The following CDYL2 variants were observed in gnomAD, a reference collection of about 807,000 sequenced individuals.
CDYL2 encodes chromodomain Y like 2.
In CDYL2, 23 loss-of-function variants were observed where a neutral mutation model predicts 49.4. That is an observed-to-expected ratio of 0.47 (90% CI 0.34 to 0.66). The LOEUF (loss-of-function observed/expected upper bound fraction) is 0.66, where lower values mean the gene tolerates loss of function less well. CDYL2 is among the 30% of genes least tolerant of loss of function. The pLI is 0.01. For missense variants in CDYL2, 678 were observed against 656.4 expected (o/e 1.03, Z -0.36); for synonymous variants, 360 against 268.8 (o/e 1.34, Z -3.32).
chr16:80,645,851 T>G (rs1908316462), intron 2 of CDYL2, among the ~76,000 whole-genome samples: 1 of 151,722 alleles, frequency 6.6e-6, no homozygotes, highest in Non-Finnish European at 1.5e-5. Context: ...TGGATGAAGC[T>G]GGAAACCATC....
chr16:80,694,277 C>T (rs1313608370), intron 1 of CDYL2, among the ~76,000 whole-genome samples: 2 of 152,210 alleles, frequency 1.3e-5, no homozygotes, highest in Admixed American at 1.3e-4. Flanking sequence ...TGCTCCCTTA[C>T]CCACCACTCA....
At chr16:80,804,084 C>T in intron 1 of CDYL2, 66 bp downstream of exon 1, 1 of 966,214 alleles carries the variant, frequency 1.0e-6, no homozygotes, top group Non-Finnish European at 1.2e-6. Context: ...CGGTCCCCGC[C>T]GCCCGCCGCC....
intron 1 of CDYL2, among the ~76,000 whole-genome samples, chr16:80,738,167 T>A (rs376734990): frequency 9.8e-5 from 15 of 152,328 alleles, no homozygotes; most frequent in African/African-American, 3.1e-4. Context: ...GTTTCCAGCT[T>A]CATCCATGTC....
At chr16:80,728,377 C>T (rs1176732698) in intron 1 of CDYL2, among the ~76,000 whole-genome samples, 11 of 151,708 alleles carry the variant, frequency 7.3e-5, no homozygotes, top group East Asian at 3.9e-4. Flanking sequence ...TGAAATGAAG[C>T]GAGAAGGGAA....
rs1353704939 is a variant in CDYL2, at chr16:80,633,382, G to C, written c.617-146C>G. 1.3e-5 allele frequency: 10 copies of C among 747,600 alleles called. No homozygotes were observed. In the Admixed American group the frequency reaches 2.9e-4, roughly 21 times the overall value. 46.3% of individuals were successfully genotyped at this position (747,600 alleles called of 1,614,324 possible). A position where few individuals can be genotyped will look rare whatever the true frequency, so the allele number is the denominator to read the frequency against. On this transcript the variant is annotated intron_variant, in intron 2 of 6. Coordinates refer to ENST00000570137, the MANE Select transcript of CDYL2 (RefSeq NM_152342.4). ...CTCCCCTGTGCCACCCTCTGTTCTA[G>C]GAAGAGGGAAGGTGAAGAGACAGGC...
intron 2 of CDYL2, among the ~76,000 whole-genome samples, chr16:80,642,774 G>C (rs367805741): frequency 6.6e-6 from 1 of 152,236 alleles, no homozygotes; most frequent in African/African-American, 2.4e-5. Context: ...ACTACTATGA[G>C]AACAGTATAG....
intron 2 of CDYL2, among the ~76,000 whole-genome samples, chr16:80,677,603 G>C (rs1453785095): frequency 1.3e-5 from 2 of 152,038 alleles, no homozygotes; most frequent in Admixed American, 6.6e-5. Context: ...GCTGGGCATG[G>C]TGGCAGGCGC....
intron 4 of CDYL2, among the ~76,000 whole-genome samples, chr16:80,613,861 G>A (rs114783778): frequency 0.013 from 1,957 of 152,266 alleles, 40 homozygotes; most frequent in African/African-American, 0.045. Flanking sequence ...TGCCCATTAC[G>A]TTGGTCTGAC....
intron 1 of CDYL2, among the ~76,000 whole-genome samples, chr16:80,754,263 C>T (rs1191618173): frequency 6.6e-6 from 1 of 152,096 alleles, no homozygotes; most frequent in East Asian, 1.9e-4. Context: ...TATCATGGTT[C>T]ACCTGGAAAG....
At chr16:80,791,909 T>C (rs1423855) in intron 1 of CDYL2, among the ~76,000 whole-genome samples, 12,825 of 152,202 alleles carry the variant, frequency 0.084, 936 homozygotes, top group African/African-American at 0.2. Flanking sequence ...GATGCAGAAA[T>C]ATCAGCTGAG....
At chr16:80,741,542 T>G (rs1905735587) in intron 1 of CDYL2, among the ~76,000 whole-genome samples, 1 of 152,090 alleles carries the variant, frequency 6.6e-6, no homozygotes, top group Admixed American at 6.6e-5. Flanking sequence ...TGAAATGAAT[T>G]CTATGATCTA....
At chr16:80,648,911 T>C (rs940899640) in intron 2 of CDYL2, among the ~76,000 whole-genome samples, 15 of 152,194 alleles carry the variant, frequency 9.9e-5, no homozygotes, top group Non-Finnish European at 1.8e-4. Flanking sequence ...ATTATTTCAA[T>C]TGGTGCTGAG....
chr16:80,804,271 G>C lies in CDYL2; in HGVS notation c.-98C>G, dbSNP rs1908029954. ...GTCCGGTGTGCGCGTGTGTGTGCGCGCGTGTGTGTGCGAGTGTGTGTGGTG... is the reference window on the plus strand; with the variant it reads ...GTCCGGTGTGCGCGTGTGTGTGCGCCCGTGTGTGTGCGAGTGTGTGTGGTG... On this transcript the variant is annotated 5_prime_UTR_variant, in exon 1 of 7. Transcript: ENST00000570137. The C allele has an allele frequency of 9.0e-7, 1 of 1,115,918 alleles. No homozygotes were observed. The highest frequency in any genetic ancestry group is 1.7e-5 in the South Asian group (1 of 58,516). 69.1% of individuals were successfully genotyped at this position (1,115,918 alleles called of 1,614,324 possible). A position where few individuals can be genotyped will look rare whatever the true frequency, so the allele number is the denominator to read the frequency against.
chr16:80,773,850 A>AACCATGTC (rs1906990734), intron 1 of CDYL2, among the ~76,000 whole-genome samples: 1 of 152,002 alleles, frequency 6.6e-6, no homozygotes, highest in Admixed American at 6.5e-5. Flanking sequence ...TGAACTAAAC[A>AACCATGTC]ACCATGTCAA....
chr16:80,644,725 A>C (rs1490726443), intron 2 of CDYL2, among the ~76,000 whole-genome samples: 1 of 152,110 alleles, frequency 6.6e-6, no homozygotes, highest in East Asian at 1.9e-4. Flanking sequence ...GATTCAAATT[A>C]TGACTTCAAA....
intron 1 of CDYL2, among the ~76,000 whole-genome samples, chr16:80,717,334 T>C (rs551798426): frequency 6.6e-6 from 1 of 152,238 alleles, no homozygotes; most frequent in Non-Finnish European, 1.5e-5. Context: ...TCACCAGTTC[T>C]CTTTCCTACA....
chr16:80,624,416 C>T (rs1907216006), intron 3 of CDYL2, among the ~76,000 whole-genome samples: 1 of 152,142 alleles, frequency 6.6e-6, no homozygotes, highest in South Asian at 2.1e-4. Flanking sequence ...GGGGAAGAAT[C>T]CACAAGATAA....
At chr16:80,724,115 AAGG>A (rs781295889) in intron 1 of CDYL2, among the ~76,000 whole-genome samples, 7 of 150,762 alleles carry the variant, frequency 4.6e-5, no homozygotes, top group Non-Finnish European at 8.9e-5. Context: ...GAGGAAGAGA[AAGG>A]AGAAGAAAGA....
chr16:80,719,615 A>G (rs927524308), intron 1 of CDYL2, among the ~76,000 whole-genome samples: 19 of 152,204 alleles, frequency 1.2e-4, no homozygotes, highest in Admixed American at 9.8e-4. Context: ...TAGAATTGAG[A>G]CAAACAAGTA....
Sources: gnomAD v4.1 joint callset for allele counts (sites outside exome capture counted in the v4.1 genomes callset) on GRCh38, gnomAD v4.1.1 for gene constraint, MANE v1.5 for transcripts, NCBI Gene and HGNC (gene_info 2026-07-23, HGNC 2026-07-21) for gene names.